Variants in TMC5 observed in about 807,000 individuals in gnomAD.
The protein encoded by TMC5 is transmembrane channel like 5.
Under a neutral mutation model 110.5 loss-of-function variants are expected in TMC5, and 86 were observed. The observed-to-expected ratio is 0.78, with a 90% CI of 0.65 to 0.93. TMC5 has a LOEUF of 0.93. Among genes scored for constraint, TMC5 ranks in the 40% least tolerant of loss-of-function variants. The pLI, the probability that TMC5 is intolerant of heterozygous loss-of-function variation, is 0.00. For synonymous variants in TMC5, 455 were observed against 439.5 expected (o/e 1.04, Z -0.44); for missense variants, 1,144 against 1,222.8 (o/e 0.94, Z 0.96).
chr16:19,497,926 G>A lies in TMC5; in HGVS notation c.2981G>A (p.Arg994Gln), dbSNP rs141155952. 2.4e-5 allele frequency: 39 copies of A among 1,613,828 alleles called. No individual in the cohort carries two copies. The African/African-American group carries it at 2.7e-4, about 11-fold the overall frequency. Residue 994 changes from arginine (R) to glutamine (Q), a missense_variant, in exon 22 of 22, where the codon CGA (arginine) becomes CAA (glutamine). Physicochemically the swap from Arg to Gln is conservative, Grantham distance 43. Coordinates refer to ENST00000542583, the MANE Select transcript of TMC5 (RefSeq NM_001261841.2). Reference sequence around the variant, plus strand: ...TTTCCTGTGTCAAACCTAGACTTGCGATCTAGAAGATCAGTTCAAGAAGGT... The same window carrying A: ...TTTCCTGTGTCAAACCTAGACTTGCAATCTAGAAGATCAGTTCAAGAAGGT... Reference protein sequence around the residue: ...LGEHDGSLDLRSRRSVQEGNP... With the variant: ...LGEHDGSLDLQSRRSVQEGNP...
upstream of TMC5, among the ~76,000 whole-genome samples, chr16:19,413,523 CAAAAAAAAAAAAAAAAA>C (rs869158130): frequency 0.038 from 2,022 of 52,974 alleles, 81 homozygotes; most frequent in African/African-American, 0.075. Flanking sequence ...AACCCTGCCT[CAAAAAAAAAAAAAAAAA>C]AAAAAAAAAA....
upstream of TMC5, among the ~76,000 whole-genome samples, chr16:19,416,682 G>A (rs149120190): frequency 2.4e-3 from 362 of 152,256 alleles, 1 homozygote; most frequent in African/African-American, 8.2e-3. Flanking sequence ...TTGAAATGTG[G>A]GCTGGTTTTA....
chr16:19,485,091 T>G (rs996520951), intron 15 of TMC5, among the ~76,000 whole-genome samples: 4 of 149,784 alleles, frequency 2.7e-5, no homozygotes, highest in African/African-American at 1.0e-4. Context: ...CATTATCTAC[T>G]TAATTTTTTT....
chr16:19,494,313 A>G lies in TMC5; in HGVS notation c.2878A>G (p.Met960Val), dbSNP rs1968993038. ...AGAAAAATTGATCAAGCTGCAGGAT[A>G]TGGAGAAGAAAGCAAACCCCAGCTC... ...LIEKLIKLQDMEKKANPSSLV... is the reference protein window; with the variant it reads ...LIEKLIKLQDVEKKANPSSLV... The change falls in exon 20 of 22, where the codon ATG (methionine) becomes GTG (valine). Residue 960 changes from methionine to valine, a missense_variant. By Grantham distance (21) the Met-to-Val change is conservative. Transcript: ENST00000542583. 1 of 1,613,832 alleles carries G rather than the reference A, an allele frequency of 6.2e-7. No individual in the cohort carries two copies.
chr16:19,415,968 C>T (rs894890599), upstream of TMC5, among the ~76,000 whole-genome samples: 8 of 152,154 alleles, frequency 5.3e-5, no homozygotes, highest in South Asian at 1.0e-3. Context: ...ATCACTTGAG[C>T]CCAGTAGTTT....
rs1968283845 is a variant in TMC5, at chr16:19,469,831, G to A, written c.1782+6G>A. On this transcript the variant is annotated splice_donor_region_variant and intron_variant, in intron 10 of 21. Transcript: ENST00000542583. ...ATCTTAGCACTGAGATAAGGGTAAG[G>A]CGAGCTCACTTTACTCATTTGCCAT... 2 of 1,613,728 alleles carry A rather than the reference G, an allele frequency of 1.2e-6. No individual in the cohort carries two copies. The highest frequency in any genetic ancestry group is 1.7e-6 in the Non-Finnish European group (2 of 1,179,812).
Position 19,487,273 on chromosome 16 carries a change from C to G in TMC5, c.2520C>G (p.Leu840=). The G allele has an allele frequency of 6.2e-7, 1 of 1,614,182 alleles. No individual in the cohort carries two copies. Among genetic ancestry groups the G allele is most frequent in the Non-Finnish European group, 8.5e-7 (1 of 1,180,026 alleles). Residue 840 remains leucine, a synonymous_variant, in exon 17 of 22, where the codon CTC becomes CTG. Coordinates refer to ENST00000542583, the MANE Select transcript of TMC5 (RefSeq NM_001261841.2). ...SQMMTFFIFL[L]FFPSFTGVLC... ...TGATGACTTTCTTCATCTTCTTGCT[C>G]TTTTTCCCATCCTTCACCGGGGTCT...
chr16:19,442,480 C>T (rs939795036), intron 3 of TMC5, among the ~76,000 whole-genome samples: 11 of 152,078 alleles, frequency 7.2e-5, no homozygotes, highest in African/African-American at 9.7e-5. Context: ...AGGCATGCAC[C>T]ACCATGCCCA....
At position 19,440,707 on chromosome 16, in the gene TMC5, A is replaced by G; in HGVS notation, c.669A>G (p.Pro223=). 1 of 1,614,202 alleles carries G rather than the reference A, an allele frequency of 6.2e-7. No individual in the cohort carries two copies. The highest frequency in any genetic ancestry group is 1.3e-5 in the African/African-American group (1 of 75,056). The change falls in exon 3 of 22, where the codon CCA becomes CCG. Residue 223 remains proline (P), a synonymous_variant. Coordinates refer to ENST00000542583, the MANE Select transcript of TMC5 (RefSeq NM_001261841.2). ...ACTCTCCACCCTTTTTTGGGGAGCCAGACTATCCCAGTGCTGAGGACAATC... is the reference window on the plus strand; with the variant it reads ...ACTCTCCACCCTTTTTTGGGGAGCCGGACTATCCCAGTGCTGAGGACAATC... The part of the protein sequence containing the change: ...QPNSPPFFGE[P]DYPSAEDNQN...
At position 19,463,827 on chromosome 16, in the gene TMC5, C is replaced by A; in HGVS notation, c.1288C>A (p.Leu430Met). Residue 430 changes from leucine (L) to methionine (M), a missense_variant, in exon 8 of 22, where the codon CTG becomes ATG. Transcript: ENST00000542583. The part of the protein sequence containing the change: ...SLSEILNSIS[L>M]WQKTLKIIGG... Reference sequence around the variant, plus strand: ...GTCGGAAATTCTGAATTCCATCAGCCTGTGGCAGAAGACGCTGAAGATCAT... The same window carrying A: ...GTCGGAAATTCTGAATTCCATCAGCATGTGGCAGAAGACGCTGAAGATCAT... 2 of 1,614,204 alleles carry A rather than the reference C, an allele frequency of 1.2e-6. No individual in the cohort carries two copies. Among genetic ancestry groups the A allele is most frequent in the Non-Finnish European group, 1.7e-6 (2 of 1,180,024 alleles).
chr16:19,412,193 C>T (rs1019565012), intron 1 of TMC5, among the ~76,000 whole-genome samples: 5 of 151,270 alleles, frequency 3.3e-5, no homozygotes, highest in African/African-American at 9.7e-5. Context: ...GCCTCAGCCT[C>T]CCGAGTAGCT....
At chr16:19,493,379 G>A (rs1283028736) in intron 19 of TMC5, among the ~76,000 whole-genome samples, 1 of 151,628 alleles carries the variant, frequency 6.6e-6, no homozygotes, top group Non-Finnish European at 1.5e-5. Context: ...CCCCTTAAGT[G>A]TCTTTTTATA....
intron 10 of TMC5, among the ~76,000 whole-genome samples, chr16:19,470,872 A>G (rs767802946): frequency 6.6e-6 from 1 of 151,906 alleles, no homozygotes; most frequent in Admixed American, 6.6e-5. Flanking sequence ...TCTCTACTAA[A>G]AAAAGGACAA....
chr16:19,473,762 C>T (rs1477768405), intron 11 of TMC5, among the ~76,000 whole-genome samples: 1 of 152,086 alleles, frequency 6.6e-6, no homozygotes, highest in Non-Finnish European at 1.5e-5. Context: ...GATGGATCAC[C>T]TGAGGTCGGG....
chr16:19,485,858 A>G (rs79694829), intron 15 of TMC5, among the ~76,000 whole-genome samples: 6,123 of 152,262 alleles, frequency 0.04, 212 homozygotes, highest in East Asian at 0.14. Context: ...GGAGAGTTGT[A>G]AAGGGAATGC....
chr16:19,490,984 C>CTTCCT (rs1555486696), intron 18 of TMC5, among the ~76,000 whole-genome samples: 1 of 73,466 alleles, frequency 1.4e-5, no homozygotes, highest in Non-Finnish European at 2.8e-5. Context: ...CCTTCCCCTT[C>CTTCCT]TCCTTCCTTC....
At chr16:19,473,373 A>C (rs1001743438) in intron 11 of TMC5, among the ~76,000 whole-genome samples, 4 of 146,294 alleles carry the variant, frequency 2.7e-5, no homozygotes, top group African/African-American at 7.8e-5. Context: ...AAAAAAAAAA[A>C]AAAAAAAACC....
intron 3 of TMC5, 89 bp from the exon 4 acceptor site, chr16:19,443,992 A>C: frequency 8.2e-7 from 1 of 1,214,098 alleles, no homozygotes; most frequent in East Asian, 2.5e-5. Flanking sequence ...TGAATACATG[A>C]TTGAATGGAT....
At chr16:19,453,898 T>C (rs567777338) in intron 5 of TMC5, among the ~76,000 whole-genome samples, 1 of 152,314 alleles carries the variant, frequency 6.6e-6, no homozygotes, top group Non-Finnish European at 1.5e-5. Flanking sequence ...TGAATGAATA[T>C]TTTGAGATGG....
Sources: allele counts gnomAD v4.1 joint callset (sites outside exome capture counted in the v4.1 genomes callset), GRCh38; gene constraint gnomAD v4.1.1; transcripts MANE v1.5; gene names NCBI Gene and HGNC (gene_info 2026-07-23, HGNC 2026-07-21).